Variants in EXOC4 observed in about 807,000 individuals in gnomAD.
The protein encoded by EXOC4 is exocyst complex component 4, also known as SEC8-like 1.
In EXOC4, 71 loss-of-function variants were observed where a neutral mutation model predicts 107.2. The ratio of observed to expected loss-of-function variants is 0.66; its 90% CI spans 0.55 to 0.81. The LOEUF (loss-of-function observed/expected upper bound fraction) is 0.81, where lower values mean the gene tolerates loss of function less well. EXOC4 is among the 30% of genes least tolerant of loss of function. The pLI is 0.00. For synonymous variants in EXOC4, 456 were observed against 441.2 expected, an observed-to-expected ratio of 1.03 and a Z score of -0.42; for missense variants, 1,108 against 1,189.6, an observed-to-expected ratio of 0.93 and a Z score of 1.01.
intron 10 of EXOC4, among the ~76,000 whole-genome samples, chr7:133,722,971 G>A (rs1215637584): frequency 6.6e-6 from 1 of 152,084 alleles, no homozygotes; most frequent in Non-Finnish European, 1.5e-5. Context: ...ATACAGATTT[G>A]CTTTTATATG....
intron 10 of EXOC4, 78 bp from the exon 11 acceptor site, chr7:133,817,245 GAT>G: frequency 2.1e-6 from 2 of 946,502 alleles, no homozygotes; most frequent in Non-Finnish European, 3.3e-6. Context: ...GCCAACACTA[GAT>G]ATACTCATGT....
chr7:133,272,160 G>A (rs1394370620), intron 1 of EXOC4, among the ~76,000 whole-genome samples: 4 of 152,022 alleles, frequency 2.6e-5, no homozygotes, highest in African/African-American at 9.7e-5. Context: ...TATGTGGAAG[G>A]TATCTTAGTA....
intron 4 of EXOC4, among the ~76,000 whole-genome samples, chr7:133,312,097 T>G (rs1334282405): frequency 6.6e-6 from 1 of 152,158 alleles, no homozygotes; most frequent in Non-Finnish European, 1.5e-5. Context: ...TAAAAATATA[T>G]GTAACAAGAT....
chr7:133,928,214 C>T (rs1201210364), intron 13 of EXOC4, among the ~76,000 whole-genome samples: 1 of 151,962 alleles, frequency 6.6e-6, no homozygotes, highest in African/African-American at 2.4e-5. Context: ...CAAGGTAGTC[C>T]CACTTAGCCC....
intron 7 of EXOC4, among the ~76,000 whole-genome samples, chr7:133,416,519 G>A (rs535501823): frequency 6.6e-6 from 1 of 152,256 alleles, no homozygotes; most frequent in South Asian, 2.1e-4. Context: ...ATAGTCAGAT[G>A]CATAAGTAAA....
At chr7:133,966,335 T>A (rs1563073995) in intron 14 of EXOC4, among the ~76,000 whole-genome samples, 1 of 152,206 alleles carries the variant, frequency 6.6e-6, no homozygotes, top group Non-Finnish European at 1.5e-5. Flanking sequence ...TTTTGCCTGA[T>A]TGCCCTGGCC....
intron 3 of EXOC4, among the ~76,000 whole-genome samples, chr7:133,300,627 A>T (rs1235713080): frequency 6.6e-6 from 1 of 152,182 alleles, no homozygotes; most frequent in Non-Finnish European, 1.5e-5. Context: ...TTGCACATTT[A>T]TGTCACATAC....
At chr7:133,582,941 G>C (rs1462167620) in intron 9 of EXOC4, among the ~76,000 whole-genome samples, 2 of 152,158 alleles carry the variant, frequency 1.3e-5, no homozygotes, top group Non-Finnish European at 2.9e-5. Flanking sequence ...AGTATATGTA[G>C]AAGTTAAGAA....
intron 10 of EXOC4, among the ~76,000 whole-genome samples, chr7:133,749,301 A>G (rs1441295131): frequency 3.3e-5 from 5 of 152,140 alleles, no homozygotes; most frequent in African/African-American, 4.8e-5. Flanking sequence ...TTACAATTTT[A>G]TCCATATCTC....
At chr7:134,004,552 C>T (rs1794599610) in intron 15 of EXOC4, among the ~76,000 whole-genome samples, 1 of 152,082 alleles carries the variant, frequency 6.6e-6, no homozygotes, top group Non-Finnish European at 1.5e-5. Context: ...TGCCTACAAC[C>T]CTGGCATTGA....
chr7:133,467,465 A>C (rs1221651786), intron 7 of EXOC4, among the ~76,000 whole-genome samples: 2 of 151,784 alleles, frequency 1.3e-5, no homozygotes, highest in African/African-American at 4.8e-5. Context: ...ATAATTTTGT[A>C]TACTGTCAGA....
intron 11 of EXOC4, among the ~76,000 whole-genome samples, chr7:133,864,941 A>G (rs961806143): frequency 1.3e-5 from 2 of 152,120 alleles, no homozygotes; most frequent in African/African-American, 2.4e-5. Flanking sequence ...TATTTGCCCA[A>G]TCAGATTTAA....
intron 10 of EXOC4, among the ~76,000 whole-genome samples, chr7:133,750,838 C>T (rs1795780701): frequency 6.6e-6 from 1 of 152,156 alleles, no homozygotes; most frequent in Non-Finnish European, 1.5e-5. Flanking sequence ...ACCTTGTCCT[C>T]CCAAAGTGTT....
chr7:133,614,809 AAAAAAAAG>A (rs1802151881), intron 9 of EXOC4, among the ~76,000 whole-genome samples: 1 of 149,466 alleles, frequency 6.7e-6, no homozygotes, highest in African/African-American at 2.5e-5. Context: ...AAAAAAAAAA[AAAAAAAAG>A]ATGGTGGTTG....
chr7:133,261,190 A>T (rs1795142922), intron 1 of EXOC4, among the ~76,000 whole-genome samples: 1 of 150,220 alleles, frequency 6.7e-6, no homozygotes, highest in South Asian at 2.1e-4. Context: ...TTGTGTACTA[A>T]TTTTATCATC....
At chr7:134,067,636 TATACACACACACACACACAC>T (rs1450865101), downstream of EXOC4, among the ~76,000 whole-genome samples, 1 of 129,102 alleles carries the variant, frequency 7.7e-6, no homozygotes, top group Non-Finnish European at 1.7e-5. Flanking sequence ...TATATATATA[TATACACACACACACACACAC>T]ACACACACAC....
intron 14 of EXOC4, among the ~76,000 whole-genome samples, chr7:133,978,425 C>G (rs1487168418): frequency 6.6e-6 from 1 of 152,220 alleles, no homozygotes; most frequent in African/African-American, 2.4e-5. Context: ...CCCTTCATCT[C>G]ACTACTTCCT....
intron 9 of EXOC4, among the ~76,000 whole-genome samples, chr7:133,498,673 C>T (rs913593184): frequency 1.3e-5 from 2 of 152,216 alleles, no homozygotes; most frequent in African/African-American, 4.8e-5. Flanking sequence ...GTTCCTGCTT[C>T]TATCTCTAAT....
chr7:133,772,169 G>A (rs752807501), intron 10 of EXOC4, among the ~76,000 whole-genome samples: 5 of 151,762 alleles, frequency 3.3e-5, no homozygotes, highest in Non-Finnish European at 2.9e-5. Flanking sequence ...TTATACAGCC[G>A]TTCTGCACAT....
Sources: allele counts gnomAD v4.1 joint callset (sites outside exome capture counted in the v4.1 genomes callset), GRCh38; gene constraint gnomAD v4.1.1; transcripts MANE v1.5; gene names NCBI Gene and HGNC (gene_info 2026-07-23, HGNC 2026-07-21).